The following LRRC4C variants were observed in gnomAD, a reference collection of about 807,000 sequenced individuals.
LRRC4C encodes the protein leucine rich repeat containing 4C.
Under a neutral mutation model 33.6 loss-of-function variants are expected in LRRC4C, and 5 were observed. That is an observed-to-expected ratio of 0.15 (90% CI 0.08 to 0.31). The LOEUF (loss-of-function observed/expected upper bound fraction) is 0.31. LRRC4C is among the 10% of genes least tolerant of loss of function. The pLI is 1.00. For missense variants in LRRC4C, 560 were observed against 796.7 expected, an observed-to-expected ratio of 0.70 and a Z score of 3.58; for synonymous variants, 329 against 302.0, an observed-to-expected ratio of 1.09 and a Z score of -0.93.
chr11:40,758,440 T>C (rs1949047270), intron 2 of LRRC4C, among the ~76,000 whole-genome samples: 1 of 152,130 alleles, frequency 6.6e-6, no homozygotes, highest in Non-Finnish European at 1.5e-5. Context: ...ATGCCCTCAT[T>C]GACTGAAGAA....
chr11:40,724,748 T>A, intron 2 of LRRC4C, among the ~76,000 whole-genome samples: 1 of 151,368 alleles, frequency 6.6e-6, no homozygotes. Context: ...CAAAATGAGA[T>A]CAGATTTAAA....
intron 2 of LRRC4C, among the ~76,000 whole-genome samples, chr11:40,733,253 A>G (rs1371157482): frequency 6.6e-6 from 1 of 150,950 alleles, no homozygotes; most frequent in Non-Finnish European, 1.5e-5. Flanking sequence ...TTTTTTGTGT[A>G]TTTAGTAAAG....
chr11:40,966,166 A>G (rs1253856084), intron 1 of LRRC4C, among the ~76,000 whole-genome samples: 1 of 152,018 alleles, frequency 6.6e-6, no homozygotes, highest in Admixed American at 6.6e-5. Context: ...ACGTAATTTC[A>G]TTAGCATGTT....
intron 6 of LRRC4C, among the ~76,000 whole-genome samples, chr11:40,136,742 T>C (rs527420496): frequency 6.6e-6 from 1 of 152,352 alleles, no homozygotes; most frequent in South Asian, 2.1e-4. Flanking sequence ...CCATGCATCA[T>C]ATAACTTATG....
intron 1 of LRRC4C, among the ~76,000 whole-genome samples, chr11:41,072,214 G>A (rs1043851809): frequency 7.4e-6 from 1 of 136,028 alleles, no homozygotes; most frequent in Non-Finnish European, 1.6e-5. Context: ...ATAAAATGCT[G>A]TCAAACAGCA....
intron 3 of LRRC4C, among the ~76,000 whole-genome samples, chr11:40,568,860 G>T (rs1686118062): frequency 6.6e-6 from 1 of 152,118 alleles, no homozygotes; most frequent in Non-Finnish European, 1.5e-5. Context: ...AATATACATG[G>T]ATTTAGACTT....
chr11:40,540,208 C>A (rs2135380060), intron 3 of LRRC4C, among the ~76,000 whole-genome samples: 1 of 152,236 alleles, frequency 6.6e-6, no homozygotes, highest in African/African-American at 2.4e-5. Flanking sequence ...AAGTCTTTTT[C>A]CCTCTTAGCT....
At chr11:40,385,863 C>CAAATAAATAAATAAATAAATAAATAAAT (rs60952313) in intron 3 of LRRC4C, among the ~76,000 whole-genome samples, 33 of 138,200 alleles carry the variant, frequency 2.4e-4, no homozygotes, top group East Asian at 1.9e-3. Flanking sequence ...GAGACTCTGT[C>CAAATAAATAAATAAATAAATAAATAAAT]AAATAAATAA....
At chr11:40,638,313 G>A (rs1418890979) in intron 3 of LRRC4C, among the ~76,000 whole-genome samples, 1 of 152,132 alleles carries the variant, frequency 6.6e-6, no homozygotes, top group Admixed American at 6.6e-5. Context: ...GACTCATGGG[G>A]AGTGCTCAAT....
chr11:40,820,242 G>A (rs1951876091), intron 2 of LRRC4C, among the ~76,000 whole-genome samples: 1 of 151,956 alleles, frequency 6.6e-6, no homozygotes, highest in Admixed American at 6.6e-5. Flanking sequence ...TATAAATATT[G>A]TCTAAGAAGT....
intron 1 of LRRC4C, among the ~76,000 whole-genome samples, chr11:41,170,405 A>G (rs1944920460): frequency 6.6e-6 from 1 of 152,192 alleles, no homozygotes; most frequent in African/African-American, 2.4e-5. Flanking sequence ...ACCAAAACAG[A>G]GATATAGACC....
intron 3 of LRRC4C, among the ~76,000 whole-genome samples, chr11:40,556,187 C>A (rs1957325989): frequency 6.6e-6 from 1 of 152,122 alleles, no homozygotes; most frequent in Non-Finnish European, 1.5e-5. Flanking sequence ...ATATTTAAGC[C>A]ATAGCAAGAA....
chr11:40,693,716 A>C (rs1565642285), intron 2 of LRRC4C, among the ~76,000 whole-genome samples: 2 of 152,084 alleles, frequency 1.3e-5, no homozygotes, highest in African/African-American at 4.8e-5. Flanking sequence ...AAAAGAGCCA[A>C]CTATTGAATC....
chr11:41,400,268 G>T (rs1456295128), intron 1 of LRRC4C, among the ~76,000 whole-genome samples: 1 of 151,936 alleles, frequency 6.6e-6, no homozygotes. Flanking sequence ...AGTTAAAAGT[G>T]CATATAACGT....
At chr11:40,806,056 C>T (rs1205445987) in intron 2 of LRRC4C, among the ~76,000 whole-genome samples, 16 of 152,080 alleles carry the variant, frequency 1.1e-4, no homozygotes, top group African/African-American at 3.1e-4. Flanking sequence ...AGTTTTGCTA[C>T]GTATAATTTC....
At chr11:40,405,415 C>T (rs898197932) in intron 3 of LRRC4C, among the ~76,000 whole-genome samples, 2 of 151,848 alleles carry the variant, frequency 1.3e-5, no homozygotes, top group Non-Finnish European at 1.5e-5. Flanking sequence ...GTGGGTGGAT[C>T]ACCTGAGGTA....
chr11:40,362,789 C>T (rs534418480), intron 3 of LRRC4C, among the ~76,000 whole-genome samples: 12 of 152,240 alleles, frequency 7.9e-5, no homozygotes, highest in South Asian at 2.1e-4. Context: ...AGCAGACACA[C>T]GTGAAGCCAA....
chr11:40,344,502 T>C (rs1947029692), intron 3 of LRRC4C, among the ~76,000 whole-genome samples: 2 of 151,890 alleles, frequency 1.3e-5, no homozygotes, highest in South Asian at 4.2e-4. Context: ...AAGAATATAC[T>C]CCAAAATAAT....
In LRRC4C at chr11:41,107,213, G is replaced by C. The variant is rs1419153980; in HGVS notation, c.-495-173490C>G. ...AAAAGTTTTAAATTCTGGAGCATTT[G>C]GATTTTAGATGTTCTGATTTGTGAT... On this transcript the variant is annotated intron_variant, in intron 1 of 6. Transcript: ENST00000528697. Among the ~76,000 whole-genome samples, 6 of 151,996 alleles carry C rather than the reference G, an allele frequency of 3.9e-5. No individual in the cohort carries two copies. In the East Asian group the frequency reaches 1.2e-3, roughly 30 times the overall value.
Sources: gnomAD v4.1 joint callset for allele counts (sites outside exome capture counted in the v4.1 genomes callset) on GRCh38, gnomAD v4.1.1 for gene constraint, MANE v1.5 for transcripts, NCBI Gene and HGNC (gene_info 2026-07-23, HGNC 2026-07-21) for gene names.